SLC25A18: variants seen among roughly 807,000 people sequenced by gnomAD.
SLC25A18 encodes mitochondrial glutamate carrier 2.
A neutral mutation model predicts 31.1 loss-of-function variants in SLC25A18; 24 were observed. That is an observed-to-expected ratio of 0.77 (90% CI 0.56 to 1.08). The LOEUF (loss-of-function observed/expected upper bound fraction) is 1.08. Ranked by LOEUF, SLC25A18 falls within the 50% of genes least tolerant of loss-of-function variation. The pLI is 0.00. For synonymous variants in SLC25A18, 173 were observed against 161.9 expected (o/e 1.07, Z -0.52); for missense variants, 371 against 418.5 (o/e 0.89, Z 0.99).
intron 7 of SLC25A18, among the ~76,000 whole-genome samples, chr22:17,584,452 A>AAG (rs1353750076): frequency 6.3e-5 from 8 of 126,934 alleles, no homozygotes; most frequent in African/African-American, 2.7e-4. Context: ...GGAAGGAGAG[A>AAG]GAGAGAGAGA....
chr22:17,582,762 A>T, intron 6 of SLC25A18, 109 bp downstream of exon 6: 1 of 913,284 alleles, frequency 1.1e-6, no homozygotes, highest in Non-Finnish European at 1.7e-6. Context: ...ATGCATATAA[A>T]TATGTGCACA....
At chr22:17,584,800 A>AT (rs1194919341) in intron 7 of SLC25A18, among the ~76,000 whole-genome samples, 4 of 151,356 alleles carry the variant, frequency 2.6e-5, no homozygotes, top group African/African-American at 9.7e-5. Flanking sequence ...AAAAAAAAAA[A>AT]AAAAAAAAGA....
At chr22:17,583,560 G>A (rs374235624) in intron 7 of SLC25A18, 26 bp downstream of exon 7, 1 of 1,610,326 alleles carries the variant, frequency 6.2e-7, no homozygotes, top group Admixed American at 1.7e-5. Flanking sequence ...ACCTCCTATG[G>A]GAACAGTAAA....
At chr22:17,580,987 C>A (rs1467706997) in intron 3 of SLC25A18, 50 bp from the exon 4 acceptor site, 1 of 1,506,486 alleles carries the variant, frequency 6.6e-7, no homozygotes, top group Non-Finnish European at 8.9e-7. Context: ...CGCTCCCTAA[C>A]CTGCCCCTCC....
intron 4 of SLC25A18, 40 bp downstream of exon 4, chr22:17,581,199 G>C: frequency 6.4e-7 from 1 of 1,569,936 alleles, no homozygotes; most frequent in South Asian, 1.2e-5. Context: ...AGAGGCGCCC[G>C]GGGGAGGGAT....
intron 10 of SLC25A18, among the ~76,000 whole-genome samples, 156 bp from the exon 11 acceptor site, chr22:17,589,939 A>G (rs986405598): frequency 1.4e-4 from 22 of 152,182 alleles, no homozygotes; most frequent in African/African-American, 5.3e-4. Context: ...GCATGCACCT[A>G]GCGGGCGAGG....
At chr22:17,582,799 G>C (rs2057416784) in intron 6 of SLC25A18, 146 bp downstream of exon 6, 2 of 705,696 alleles carry the variant, frequency 2.8e-6, no homozygotes, top group Non-Finnish European at 4.8e-6. Flanking sequence ...TGTGTGTTTG[G>C]GCTGCTGGAG....
rs1375238134 is a variant in SLC25A18, at chr22:17,590,408, C to T, written c.*172C>T. 2.1e-5 allele frequency: 15 copies of T among 709,706 alleles called. No homozygotes were observed. The highest frequency in any genetic ancestry group is 3.3e-5 in the Non-Finnish European group (15 of 450,872). The allele number at this position is 709,706 out of a possible 1,614,324, so 44.0% of individuals were successfully genotyped here. On this transcript the variant is annotated 3_prime_UTR_variant, in exon 11 of 11. Transcript: ENST00000327451. ...TATATTCTAACAAGTTGAGCACAGC[C>T]TTCTTCCCCTTCGTGTCTACACTCG...
rs2057693897 is a variant in SLC25A18 at position 17,590,861 on chromosome 22, C to A, written c.*625C>A. The A allele has an allele frequency of 6.6e-6, 1 of 152,478 alleles. No individual in the cohort carries two copies. The highest frequency in any genetic ancestry group is 1.5e-5 in the Non-Finnish European group (1 of 68,244). The allele number at this position is 152,478 out of a possible 1,614,324, so 9.4% of individuals were successfully genotyped here. A position where few individuals can be genotyped will look rare whatever the true frequency, so the allele number is the denominator to read the frequency against. On this transcript the variant is annotated 3_prime_UTR_variant, in exon 11 of 11. Coordinates refer to ENST00000327451, the MANE Select transcript of SLC25A18 (RefSeq NM_031481.3). The stretch of plus-strand genomic sequence containing the variant: ...CCCCTCCCTGTAACCAAGGAACACT[C>A]TGAAATAAAGGTGAATGGCTAAAAT...
In SLC25A18 at chr22:17,569,769, T is replaced by C. The variant is rs554319240; in HGVS notation, c.-263-155T>C. 62 of 985,058 alleles carry C rather than the reference T, an allele frequency of 6.3e-5. No homozygotes were observed. The South Asian group carries it at 2.7e-3, about 43-fold the overall frequency. 61.0% of individuals were successfully genotyped at this position (985,058 alleles called of 1,614,324 possible). A position where few individuals can be genotyped will look rare whatever the true frequency, so the allele number is the denominator to read the frequency against. ...TTGACTGGATAGTAGCCTCTTTGGG[T>C]TTTGCTTCAAACCCAACCTATTTGA... is the stretch of plus-strand genomic sequence containing the variant. On this transcript the variant is annotated intron_variant, in intron 1 of 10. Transcript: ENST00000327451.
At position 17,569,932 on chromosome 22, in the gene SLC25A18, C is replaced by T. The variant is rs1383385936; in HGVS notation, c.-255C>T. The T allele has an allele frequency of 1.0e-6, 1 of 985,342 alleles. No individual in the cohort carries two copies. The highest frequency in any genetic ancestry group is 1.1e-4 in the East Asian group (1 of 8,828). The allele number at this position is 985,342 out of a possible 1,614,324, so 61.0% of individuals were successfully genotyped here. ...GCCACCTCTCCCTGCAGCTCAGCAG[C>T]GATCTGAACTATATCCTGGGTTCCA... is the stretch of plus-strand genomic sequence containing the variant. On this transcript the variant is annotated 5_prime_UTR_variant, in exon 2 of 11. Transcript: ENST00000327451.
chr22:17,585,630 ATT>A (rs1256478378), intron 7 of SLC25A18, among the ~76,000 whole-genome samples: 27 of 139,170 alleles, frequency 1.9e-4, no homozygotes, highest in African/African-American at 7.6e-4. Context: ...ATTATTATTT[ATT>A]TTATTATTAT....
At position 17,581,016 on chromosome 22, in the gene SLC25A18, C is replaced by G. The variant is rs1368397373; in HGVS notation, c.21-21C>G. The G allele has an allele frequency of 2.0e-6, 3 of 1,534,412 alleles. No homozygotes were observed. The South Asian group carries it at 3.7e-5, about 19-fold the overall frequency. On this transcript the variant is annotated intron_variant, in intron 3 of 10. Coordinates refer to ENST00000327451, the MANE Select transcript of SLC25A18 (RefSeq NM_031481.3). ...CCCCTCCCTCTGCCTCTCTCCTCCC[C>G]CTGTCCTCCCCCTGTCCTAGCATCA...
At chr22:17,568,813 G>A (rs943846783) in intron 1 of SLC25A18, among the ~76,000 whole-genome samples, 2 of 151,684 alleles carry the variant, frequency 1.3e-5, no homozygotes, top group Non-Finnish European at 2.9e-5. Context: ...CACCTGCTTC[G>A]GCCTCCCAAA....
chr22:17,581,250 C>A, intron 4 of SLC25A18, 91 bp downstream of exon 4: 1 of 1,578,716 alleles, frequency 6.3e-7, no homozygotes, highest in Non-Finnish European at 8.6e-7. Flanking sequence ...CGCGCGTGAG[C>A]CTGGGGGCTG....
At chr22:17,570,598 C>T (rs1400407248) in intron 2 of SLC25A18, among the ~76,000 whole-genome samples, 2 of 152,220 alleles carry the variant, frequency 1.3e-5, no homozygotes, top group Non-Finnish European at 2.9e-5. Flanking sequence ...AATTCTCCTG[C>T]CTCAGCCTCC....
intron 1 of SLC25A18, among the ~76,000 whole-genome samples, chr22:17,565,542 T>C (rs1277436366): frequency 6.6e-6 from 1 of 151,902 alleles, no homozygotes; most frequent in Non-Finnish European, 1.5e-5. Flanking sequence ...CCTGGCTAAT[T>C]TTTTGTTTGG....
intron 1 of SLC25A18, among the ~76,000 whole-genome samples, chr22:17,568,366 CA>C (rs778315853): frequency 0.07 from 4,701 of 67,596 alleles, 251 homozygotes; most frequent in African/African-American, 0.19. Context: ...GACTCCATCT[CA>C]AAAAAAAAAA....
rs992567418 is a variant in SLC25A18, at chr22:17,564,719, G to A, written c.-264+1006G>A. 4.6e-5 allele frequency among the ~76,000 whole-genome samples: 7 copies of A among 151,824 alleles called. No individual in the cohort carries two copies. The South Asian group carries it at 1.0e-3, about 23-fold the overall frequency. On this transcript the variant is annotated intron_variant, in intron 1 of 10. Coordinates refer to ENST00000327451, the MANE Select transcript of SLC25A18 (RefSeq NM_031481.3). ...TAAAAATACAAAAAATTAGCCAGGC[G>A]TGGTAGCAGGTGTGGTAGTCCCAGC...
Sources: gnomAD v4.1 joint callset for allele counts (sites outside exome capture counted in the v4.1 genomes callset) on GRCh38, gnomAD v4.1.1 for gene constraint, MANE v1.5 for transcripts, NCBI Gene and HGNC (gene_info 2026-07-23, HGNC 2026-07-21) for gene names.